The following SHB variants were observed in gnomAD, a reference collection of about 807,000 sequenced individuals.
The protein encoded by SHB is SH2 domain containing adaptor protein B, also known as SH2 domain-containing adapter protein B.
In SHB, 20 loss-of-function variants were observed where a neutral mutation model predicts 52.3. The ratio of observed to expected loss-of-function variants is 0.38; its 90% confidence interval spans 0.27 to 0.56. SHB has a LOEUF of 0.56. SHB is among the 20% of genes least tolerant of loss of function. The pLI, the probability that SHB is intolerant of heterozygous loss-of-function variation, is 0.71. For missense variants in SHB, 825 were observed against 723.3 expected (o/e 1.14, Z -1.61); for synonymous variants, 397 against 316.5 (o/e 1.25, Z -2.70).
At position 38,040,887 on chromosome 9, in the gene SHB, T is replaced by C. The variant is rs539565868; in HGVS notation, c.718-24756A>G. Among the ~76,000 whole-genome samples, 241 of 135,632 alleles carry C rather than the reference T, an allele frequency of 1.8e-3. 1 individual carries two copies. Among genetic ancestry groups the C allele is most frequent in the African/African-American group, 6.0e-3 (218 of 36,422 alleles). The allele number at this position is 135,632 out of a possible 152,430, so 89.0% of individuals were successfully genotyped here. On this transcript the variant is annotated intron_variant, in intron 1 of 5. Transcript: ENST00000377707. ...TGTGATGTGCACTCTGGAAGATGAG[T>C]GGCAAGGGAGGGTGCGGGGTGGGGT...
In SHB at chr9:37,932,787, A is replaced by C. The variant is rs149574799; in HGVS notation, c.1347-12783T>G. On this transcript the variant is annotated intron_variant, in intron 5 of 5. Transcript: ENST00000377707. ...TGCCACCATGCCTGGCTAATTTTTA[A>C]AACTTTTTATAGTAATGAGGTCTCA... is the stretch of plus-strand genomic sequence containing the variant. Among the ~76,000 whole-genome samples, 759 of 152,186 alleles carry C rather than the reference A, an allele frequency of 5.0e-3. 5 individuals carry two copies. The highest frequency in any genetic ancestry group is 0.029 in the South Asian group (140 of 4,824).
In SHB at chr9:38,040,729, T is replaced by C. The variant is rs562017686; in HGVS notation, c.718-24598A>G. On this transcript the variant is annotated intron_variant, in intron 1 of 5. Transcript: ENST00000377707. ...GCAGTCAAGAGACCAGTTTACAACGTTGCAGAGTTTGTGGGGAGGTATAGA... is the reference window on the plus strand; with the variant it reads ...GCAGTCAAGAGACCAGTTTACAACGCTGCAGAGTTTGTGGGGAGGTATAGA... Among the ~76,000 whole-genome samples, 242 of 152,236 alleles carry C rather than the reference T, an allele frequency of 1.6e-3. 3 individuals carry two copies. Among genetic ancestry groups the C allele is most frequent in the Admixed American group, 0.016 (238 of 15,294 alleles).
At chr9:37,931,778 G>T (rs964824100) in intron 5 of SHB, among the ~76,000 whole-genome samples, 1 of 152,162 alleles carries the variant, frequency 6.6e-6, no homozygotes, top group East Asian at 1.9e-4. Flanking sequence ...ATCTTGTAAA[G>T]ACATCTGCAC....
chr9:37,953,075 T>C (rs1272233339), intron 4 of SHB, among the ~76,000 whole-genome samples: 1 of 151,362 alleles, frequency 6.6e-6, no homozygotes, highest in African/African-American at 2.4e-5. Context: ...GCAGAGGAGA[T>C]GGAAGAGTGG....
intron 2 of SHB, among the ~76,000 whole-genome samples, chr9:38,011,561 TCA>T (rs879833389): frequency 1.3e-5 from 2 of 152,154 alleles, no homozygotes; most frequent in African/African-American, 2.4e-5. Context: ...AAAACGCAGA[TCA>T]CAGTGAAACA....
intron 2 of SHB, among the ~76,000 whole-genome samples, chr9:37,983,336 A>G (rs1186181017): frequency 1.3e-5 from 2 of 152,220 alleles, no homozygotes; most frequent in African/African-American, 2.4e-5. Context: ...TAAGGTGTAC[A>G]TGAGGTTGCT....
At position 37,974,599 on chromosome 9, in the gene SHB, T is replaced by C. The variant is rs770760184; in HGVS notation, c.1054+23A>G. 4.2e-5 allele frequency: 67 copies of C among 1,603,190 alleles called. 2 individuals are homozygous for C. The South Asian group carries it at 7.3e-4, about 17-fold the overall frequency. ...TGAGCGCAGCTCAGCAGCTGCCTCC[T>C]GAGCAGGGTCAGGGCTCCTTACCTG... On this transcript the variant is annotated intron_variant, in intron 3 of 5. Coordinates refer to ENST00000377707, the MANE Select transcript of SHB (RefSeq NM_003028.3).
At chr9:37,942,105 TA>T (rs1371160541) in intron 5 of SHB, among the ~76,000 whole-genome samples, 1 of 152,188 alleles carries the variant, frequency 6.6e-6, no homozygotes, top group Non-Finnish European at 1.5e-5. Context: ...AAAACAACCC[TA>T]ACTGCCACGC....
At chr9:37,934,206 C>T (rs1482032351) in intron 5 of SHB, among the ~76,000 whole-genome samples, 1 of 152,178 alleles carries the variant, frequency 6.6e-6, no homozygotes, top group Non-Finnish European at 1.5e-5. Flanking sequence ...CCTCCCAAGT[C>T]CCAAGAGACA....
chr9:38,041,028 GAGA>G (rs1339184054), intron 1 of SHB, among the ~76,000 whole-genome samples: 4 of 152,158 alleles, frequency 2.6e-5, no homozygotes, highest in East Asian at 3.9e-4. Flanking sequence ...GACTCAAGCA[GAGA>G]AGGTCTGAGG....
intron 1 of SHB, among the ~76,000 whole-genome samples, chr9:38,064,092 AT>A (rs898565541): frequency 0.011 from 1,620 of 142,496 alleles, 18 homozygotes; most frequent in African/African-American, 0.031. Context: ...TTTTGTCATC[AT>A]TTTTTTTTTT....
chr9:37,984,547 C>T (rs551283206), intron 2 of SHB, among the ~76,000 whole-genome samples: 1 of 152,284 alleles, frequency 6.6e-6, no homozygotes, highest in African/African-American at 2.4e-5. Context: ...TGGACCAGGG[C>T]TCTCCTGGCC....
chr9:37,954,944 G>A (rs749979162), intron 4 of SHB, among the ~76,000 whole-genome samples: 1 of 152,082 alleles, frequency 6.6e-6, no homozygotes, highest in African/African-American at 2.4e-5. Context: ...GGGGCAGCAA[G>A]AACGGAAAGG....
chr9:37,930,471 C>T (rs890996109), intron 5 of SHB, among the ~76,000 whole-genome samples: 1 of 152,096 alleles, frequency 6.6e-6, no homozygotes, highest in South Asian at 2.1e-4. Context: ...AGCAATGCCC[C>T]CTGCTCCTCA....
intron 2 of SHB, among the ~76,000 whole-genome samples, chr9:37,975,859 G>A (rs188599074): frequency 6.3e-4 from 96 of 152,226 alleles, no homozygotes; most frequent in African/African-American, 2.0e-3. Context: ...TGGCAGGGCA[G>A]GAGGGAAGGG....
rs1455609662 is a variant in SHB at position 37,917,962 on chromosome 9, A to AG, written c.*1858dup. Among the ~76,000 whole-genome samples the AG allele has an allele frequency of 2.0e-5, 3 of 152,192 alleles. No individual in the cohort carries two copies. The highest frequency in any genetic ancestry group is 6.5e-5 in the Admixed American group (1 of 15,284). On this transcript the variant is annotated 3_prime_UTR_variant, in exon 6 of 6. Coordinates refer to ENST00000377707, the MANE Select transcript of SHB (RefSeq NM_003028.3). Reference sequence around the variant, plus strand: ...CGCTGAAGTCCACGCAGCTACCTAAAGGGGCAGGGCTCAGTCCCAGCTCGA... The same window carrying AG: ...CGCTGAAGTCCACGCAGCTACCTAAAGGGGGCAGGGCTCAGTCCCAGCTCGA...
intron 1 of SHB, among the ~76,000 whole-genome samples, chr9:38,027,077 C>G (rs1821351399): frequency 6.6e-6 from 1 of 152,226 alleles, no homozygotes; most frequent in Admixed American, 6.5e-5. Context: ...TATGTGTAGG[C>G]CTGTCTGCTT....
At chr9:37,962,073 T>G (rs1189822662) in intron 3 of SHB, among the ~76,000 whole-genome samples, 1 of 152,182 alleles carries the variant, frequency 6.6e-6, no homozygotes. Context: ...TGGGGCATGT[T>G]TCTTAAACTT....
intron 1 of SHB, among the ~76,000 whole-genome samples, chr9:38,017,953 A>G (rs1252714028): frequency 6.6e-6 from 1 of 152,244 alleles, no homozygotes; most frequent in Non-Finnish European, 1.5e-5. Flanking sequence ...GGTCAGGTGC[A>G]GGGTTTTGTG....
Sources: allele counts gnomAD v4.1 joint callset (sites outside exome capture counted in the v4.1 genomes callset), GRCh38; gene constraint gnomAD v4.1.1; transcripts MANE v1.5; gene names NCBI Gene and HGNC (gene_info 2026-07-23, HGNC 2026-07-21).